Variants in TMTC1 observed in about 807,000 individuals in gnomAD.
TMTC1 encodes the protein transmembrane O-mannosyltransferase targeting cadherins 1, also known as protein O-mannosyl-transferase TMTC1.
Under a neutral mutation model 104.8 loss-of-function variants are expected in TMTC1, and 73 were observed. The observed-to-expected ratio is 0.70, with a 90% CI of 0.58 to 0.85. The LOEUF (loss-of-function observed/expected upper bound fraction) is 0.85, where lower values mean the gene tolerates loss of function less well. Ranked by LOEUF, TMTC1 falls within the 40% of genes least tolerant of loss-of-function variation. The probability of loss-of-function intolerance (pLI) is 0.00; values close to 1 mark genes in which losing one functional copy is unlikely to be tolerated. For synonymous variants in TMTC1, 434 were observed against 428.7 expected (o/e 1.01, Z -0.15); for missense variants, 1,035 against 1,096.1 (o/e 0.94, Z 0.79).
At chr12:29,769,143 T>C (rs1317083808) in intron 1 of TMTC1, among the ~76,000 whole-genome samples, 3 of 152,220 alleles carry the variant, frequency 2.0e-5, no homozygotes, top group African/African-American at 7.2e-5. Context: ...AGAGATGACA[T>C]ACGCGTATTC....
intron 5 of TMTC1, among the ~76,000 whole-genome samples, chr12:29,718,275 GA>G (rs1271712171): frequency 6.6e-6 from 1 of 152,210 alleles, no homozygotes; most frequent in African/African-American, 2.4e-5. Context: ...CTTTTCATCT[GA>G]GGGGAAGGGA....
intron 5 of TMTC1, among the ~76,000 whole-genome samples, chr12:29,716,754 G>A (rs1356588934): frequency 2.6e-5 from 4 of 152,160 alleles, no homozygotes; most frequent in Non-Finnish European, 4.4e-5. Context: ...AGGGGCTCAC[G>A]CCTGTAATCC....
At chr12:29,698,559 T>A (rs957037328) in intron 5 of TMTC1, among the ~76,000 whole-genome samples, 1 of 152,214 alleles carries the variant, frequency 6.6e-6, no homozygotes, top group Non-Finnish European at 1.5e-5. Flanking sequence ...CTTGGTCTTA[T>A]GTTTCTAAGT....
intron 6 of TMTC1, among the ~76,000 whole-genome samples, chr12:29,608,758 T>C (rs1354222863): frequency 7.2e-5 from 11 of 152,064 alleles, no homozygotes; most frequent in Non-Finnish European, 1.3e-4. Context: ...AGAGGGTCGC[T>C]CAGTCACCAT....
chr12:29,736,857 T>C (rs1245139763), intron 5 of TMTC1, among the ~76,000 whole-genome samples: 1 of 152,188 alleles, frequency 6.6e-6, no homozygotes, highest in African/African-American at 2.4e-5. Context: ...GTCCACAAAG[T>C]GATACTTAAC....
intron 5 of TMTC1, among the ~76,000 whole-genome samples, chr12:29,639,651 C>A (rs1259826618): frequency 6.6e-6 from 1 of 152,152 alleles, no homozygotes; most frequent in Non-Finnish European, 1.5e-5. Context: ...GCATTGGACA[C>A]AAGTGTTTAC....
Position 29,623,825 on chromosome 12 carries a change from A to ATAAATTAAAT in TMTC1, c.1128+9312_1128+9321dup, listed in dbSNP as rs1555177658. 3.3e-3 allele frequency among the ~76,000 whole-genome samples: 498 copies of ATAAATTAAAT among 148,918 alleles called. 8 individuals carry two copies. Among genetic ancestry groups the ATAAATTAAAT allele is most frequent in the Admixed American group, 0.027 (408 of 15,098 alleles). On this transcript the variant is annotated intron_variant, in intron 6 of 17. Transcript: ENST00000539277. ...AAGACTCCGGCTCAAAAATAAATAAATAAATTAAATTAAATTAAATTAAAT... is the reference window on the plus strand; with the variant it reads ...AAGACTCCGGCTCAAAAATAAATAAATAAATTAAATTAAATTAAATTAAATTAAATTAAAT...
intron 1 of TMTC1, among the ~76,000 whole-genome samples, chr12:29,778,093 C>T (rs1943753539): frequency 6.6e-6 from 1 of 152,200 alleles, no homozygotes; most frequent in African/African-American, 2.4e-5. Context: ...TTAAGATAGT[C>T]TATTTTTTGG....
intron 5 of TMTC1, among the ~76,000 whole-genome samples, chr12:29,715,554 C>T (rs397954391): frequency 6.6e-6 from 1 of 152,056 alleles, no homozygotes; most frequent in Non-Finnish European, 1.5e-5. Context: ...TTTATTATGG[C>T]CCAGGAACTA....
intron 6 of TMTC1, among the ~76,000 whole-genome samples, chr12:29,610,188 T>C (rs533278577): frequency 4.6e-5 from 7 of 152,242 alleles, no homozygotes; most frequent in Non-Finnish European, 8.8e-5. Context: ...AGGGCAGAAA[T>C]GTGGACCTCA....
chr12:29,753,665 C>G (rs1943145128), intron 4 of TMTC1, among the ~76,000 whole-genome samples: 1 of 152,236 alleles, frequency 6.6e-6, no homozygotes, highest in African/African-American at 2.4e-5. Context: ...CCACTTTTTA[C>G]AACTGTAATC....
intron 15 of TMTC1, among the ~76,000 whole-genome samples, chr12:29,515,929 A>G (rs1012275139): frequency 2.6e-5 from 4 of 151,320 alleles, no homozygotes; most frequent in African/African-American, 9.7e-5. Context: ...TCCTTCTTAT[A>G]TATTGTTTCA....
At chr12:29,527,940 A>C (rs1944395142) in intron 11 of TMTC1, among the ~76,000 whole-genome samples, 1 of 152,188 alleles carries the variant, frequency 6.6e-6, no homozygotes, top group Non-Finnish European at 1.5e-5. Flanking sequence ...CTACACCTTC[A>C]GTAACCCCAA....
chr12:29,651,357 T>A (rs1313448763), intron 5 of TMTC1, among the ~76,000 whole-genome samples: 1 of 152,176 alleles, frequency 6.6e-6, no homozygotes, highest in Non-Finnish European at 1.5e-5. Flanking sequence ...CAAGAGGGAC[T>A]ATTAGTGGGT....
intron 5 of TMTC1, among the ~76,000 whole-genome samples, chr12:29,725,039 G>A (rs76332637): frequency 3.6e-5 from 1 of 27,722 alleles, no homozygotes; most frequent in Non-Finnish European, 9.1e-5. Flanking sequence ...TTTTTTTTTT[G>A]AGATGGAGTC....
At chr12:29,604,649 C>G (rs1946651276) in intron 6 of TMTC1, among the ~76,000 whole-genome samples, 1 of 152,160 alleles carries the variant, frequency 6.6e-6, no homozygotes, top group Non-Finnish European at 1.5e-5. Context: ...ACCCCATTCT[C>G]AAAGAGCAAA....
intron 1 of TMTC1, among the ~76,000 whole-genome samples, chr12:29,780,308 C>A (rs574739815): frequency 1.3e-5 from 2 of 152,120 alleles, no homozygotes; most frequent in Non-Finnish European, 2.9e-5. Flanking sequence ...GAATACAACT[C>A]AGCAATAAAA....
At chr12:29,548,988 A>T (rs1054199212) in intron 10 of TMTC1, among the ~76,000 whole-genome samples, 1 of 145,450 alleles carries the variant, frequency 6.9e-6, no homozygotes, top group Non-Finnish European at 1.5e-5. Flanking sequence ...TATAAATTAA[A>T]TTAAATATAT....
intron 5 of TMTC1, among the ~76,000 whole-genome samples, chr12:29,644,281 A>G (rs1939167487): frequency 6.6e-6 from 1 of 151,130 alleles, no homozygotes; most frequent in African/African-American, 2.4e-5. Context: ...CAAACATCGT[A>G]TGTTCTCACC....
Sources: gnomAD v4.1 joint callset for allele counts (sites outside exome capture counted in the v4.1 genomes callset) on GRCh38, gnomAD v4.1.1 for gene constraint, MANE v1.5 for transcripts, NCBI Gene and HGNC (gene_info 2026-07-23, HGNC 2026-07-21) for gene names.